Variants in KSR2 observed in about 807,000 individuals in gnomAD.
KSR2 encodes kinase suppressor of ras 2.
Under a neutral mutation model 107.8 loss-of-function variants are expected in KSR2, and 25 were observed. That is an observed-to-expected ratio of 0.23 (90% CI 0.17 to 0.32). The LOEUF is 0.32. Among genes scored for constraint, KSR2 ranks in the 10% least tolerant of loss-of-function variants. The pLI is 1.00. For synonymous variants in KSR2, 480 were observed against 507.0 expected (o/e 0.95, Z 0.71); for missense variants, 887 against 1,268.9 (o/e 0.70, Z 4.57).
intron 3 of KSR2, among the ~76,000 whole-genome samples, chr12:117,801,283 ATT>A (rs35746430): frequency 2.6e-4 from 35 of 135,976 alleles, no homozygotes; most frequent in Non-Finnish European, 3.2e-4. Context: ...TGCCCGGCTA[ATT>A]TTTTTTTTTT....
intron 1 of KSR2, among the ~76,000 whole-genome samples, chr12:117,932,493 A>C (rs1895721011): frequency 6.6e-6 from 1 of 152,174 alleles, no homozygotes; most frequent in Admixed American, 6.5e-5. Flanking sequence ...AGGTGGGAAG[A>C]TCACTTGAGC....
intron 5 of KSR2, among the ~76,000 whole-genome samples, chr12:117,584,923 T>C (rs1052224390): frequency 1.3e-5 from 2 of 152,208 alleles, no homozygotes; most frequent in Non-Finnish European, 2.9e-5. Flanking sequence ...AGATTCTCAA[T>C]GAATAACTCT....
chr12:117,767,784 C>CA lies in KSR2; in HGVS notation c.473-6261dup, dbSNP rs35307926. On this transcript the variant is annotated intron_variant, in intron 3 of 19. Coordinates refer to ENST00000339824, the MANE Select transcript of KSR2 (RefSeq NM_173598.6). ...TGGGAGACAGAGCAAGACTCCGTCT[C>CA]AAAAAAAAAAAAAAAAAAAAAATTC... Among the ~76,000 whole-genome samples, 594 of 85,498 alleles carry CA rather than the reference C, an allele frequency of 6.9e-3. 3 individuals are homozygous for CA. The highest frequency in any genetic ancestry group is 0.024 in the Middle Eastern group (4 of 170). The allele number at this position is 85,498 out of a possible 152,430, so 56.1% of individuals were successfully genotyped here.
chr12:117,522,173 G>A (rs1426471270), intron 14 of KSR2, among the ~76,000 whole-genome samples: 5 of 152,300 alleles, frequency 3.3e-5, no homozygotes, highest in Admixed American at 2.0e-4. Context: ...GAAGAGGGCC[G>A]CAAATGCAGC....
intron 9 of KSR2, among the ~76,000 whole-genome samples, chr12:117,542,925 G>A (rs753142142): frequency 6.6e-5 from 10 of 152,128 alleles, no homozygotes; most frequent in Middle Eastern, 3.2e-3. Context: ...TGCAGGTATC[G>A]ATAGTTTCTT....
At chr12:117,594,461 TAAGTTC>T (rs1465730743) in intron 5 of KSR2, among the ~76,000 whole-genome samples, 2 of 152,110 alleles carry the variant, frequency 1.3e-5, no homozygotes, top group African/African-American at 4.8e-5. Flanking sequence ...AAATAATATA[TAAGTTC>T]AAGACTGGGT....
At chr12:117,954,948 C>G (rs948791671) in intron 1 of KSR2, among the ~76,000 whole-genome samples, 2 of 150,460 alleles carry the variant, frequency 1.3e-5, no homozygotes, top group Non-Finnish European at 2.9e-5. Context: ...ACCCAGTACA[C>G]GGAGGTTGCA....
intron 14 of KSR2, among the ~76,000 whole-genome samples, chr12:117,520,294 C>G (rs960747810): frequency 6.6e-6 from 1 of 152,194 alleles, no homozygotes; most frequent in Non-Finnish European, 1.5e-5. Context: ...CCACGCCTGG[C>G]CTGAAGCGAA....
chr12:117,540,620 T>C (rs75121812), intron 9 of KSR2, among the ~76,000 whole-genome samples: 221 of 152,186 alleles, frequency 1.5e-3, no homozygotes, highest in Non-Finnish European at 2.5e-3. Flanking sequence ...ATGACAAATA[T>C]CCAAATCATC....
At chr12:117,521,979 A>G (rs1353706221) in intron 14 of KSR2, among the ~76,000 whole-genome samples, 1 of 152,228 alleles carries the variant, frequency 6.6e-6, no homozygotes, top group Admixed American at 6.5e-5. Flanking sequence ...ATATGGAATC[A>G]ATGCCACTTC....
intron 9 of KSR2, among the ~76,000 whole-genome samples, chr12:117,543,999 T>C (rs1208522966): frequency 1.3e-5 from 2 of 152,230 alleles, no homozygotes; most frequent in African/African-American, 4.8e-5. Context: ...GAAAGTCATA[T>C]TGGATTAAGG....
At chr12:117,733,746 G>A (rs905449778) in intron 4 of KSR2, among the ~76,000 whole-genome samples, 1 of 152,058 alleles carries the variant, frequency 6.6e-6, no homozygotes, top group African/African-American at 2.4e-5. Flanking sequence ...TTTCCCCTCT[G>A]AATTATAATT....
intron 3 of KSR2, among the ~76,000 whole-genome samples, chr12:117,845,856 TA>T (rs1892685384): frequency 6.6e-6 from 1 of 150,856 alleles, no homozygotes; most frequent in Admixed American, 6.6e-5. Flanking sequence ...TTTTTGTATT[TA>T]TTTTTTTTTT....
At chr12:117,497,763 C>A (rs1338658219) in intron 14 of KSR2, among the ~76,000 whole-genome samples, 8 of 152,208 alleles carry the variant, frequency 5.3e-5, no homozygotes, top group Admixed American at 5.2e-4. Flanking sequence ...TTTGTAACCT[C>A]TGAGGTGGGG....
chr12:117,941,475 CA>C (rs1250182585), intron 1 of KSR2, among the ~76,000 whole-genome samples: 5 of 152,078 alleles, frequency 3.3e-5, no homozygotes, highest in Non-Finnish European at 5.9e-5. Flanking sequence ...AGCCTGCTTC[CA>C]GCCTCTTAGC....
chr12:117,855,033 T>G (rs1319241237), intron 3 of KSR2, among the ~76,000 whole-genome samples: 2 of 149,694 alleles, frequency 1.3e-5, no homozygotes, highest in African/African-American at 4.9e-5. Context: ...TGGTTTATGT[T>G]ACAATTAATG....
intron 1 of KSR2, among the ~76,000 whole-genome samples, chr12:117,936,670 C>T (rs1186826724): frequency 6.6e-6 from 1 of 151,998 alleles, no homozygotes; most frequent in Non-Finnish European, 1.5e-5. Flanking sequence ...GAGGCATGAG[C>T]CGCTGTGCCT....
chr12:117,796,290 T>G (rs1890626690), intron 3 of KSR2, among the ~76,000 whole-genome samples: 1 of 152,200 alleles, frequency 6.6e-6, no homozygotes, highest in Non-Finnish European at 1.5e-5. Flanking sequence ...AGCAAGTGCA[T>G]GTGTGAGCCT....
At chr12:117,743,266 G>A (rs752117849) in intron 4 of KSR2, among the ~76,000 whole-genome samples, 5 of 152,182 alleles carry the variant, frequency 3.3e-5, no homozygotes, top group South Asian at 2.1e-4. Flanking sequence ...AGTGCTCTTC[G>A]TCTTCATTAA....
Sources: gnomAD v4.1 joint callset for allele counts (sites outside exome capture counted in the v4.1 genomes callset) on GRCh38, gnomAD v4.1.1 for gene constraint, MANE v1.5 for transcripts, NCBI Gene and HGNC (gene_info 2026-07-23, HGNC 2026-07-21) for gene names.